The following TMEM229B variants were observed in gnomAD, a reference collection of about 807,000 sequenced individuals.
The protein encoded by TMEM229B is chromosome 14 open reading frame 83.
A neutral mutation model predicts 13.7 loss-of-function variants in TMEM229B; 6 were observed. The observed-to-expected ratio is 0.44, with a 90% CI of 0.24 to 0.86. The LOEUF is 0.86. TMEM229B is among the 40% of genes least tolerant of loss of function. The probability of loss-of-function intolerance (pLI) is 0.23; values close to 1 mark genes in which losing one functional copy is unlikely to be tolerated. For missense variants in TMEM229B, 170 were observed against 236.0 expected, an observed-to-expected ratio of 0.72 and a Z score of 1.83; for synonymous variants, 107 against 102.1, an observed-to-expected ratio of 1.05 and a Z score of -0.29.
intron 1 of TMEM229B, among the ~76,000 whole-genome samples, chr14:67,495,344 A>G (rs1488042083): frequency 2.0e-5 from 3 of 152,194 alleles, no homozygotes; most frequent in African/African-American, 7.2e-5. Flanking sequence ...GAAGGCATCC[A>G]TCCTAATGCC....
chr14:67,496,452 G>A (rs1040617794), intron 1 of TMEM229B, among the ~76,000 whole-genome samples: 12 of 126,940 alleles, frequency 9.5e-5, no homozygotes, highest in Admixed American at 8.7e-4. Flanking sequence ...CACCCAGGCT[G>A]GAGTGCAGAG....
intron 1 of TMEM229B, among the ~76,000 whole-genome samples, chr14:67,528,577 G>C (rs1181777038): frequency 2.6e-5 from 4 of 152,140 alleles, no homozygotes; most frequent in African/African-American, 9.7e-5. Flanking sequence ...ATCTAGAATT[G>C]CAGTCAGATG....
chr14:67,512,037 T>C (rs1756135960), intron 1 of TMEM229B, among the ~76,000 whole-genome samples: 1 of 152,244 alleles, frequency 6.6e-6, no homozygotes, highest in Non-Finnish European at 1.5e-5. Context: ...ACCCTGGTAC[T>C]GATGTAAATT....
chr14:67,489,952 T>A (rs2032094604), upstream of TMEM229B, among the ~76,000 whole-genome samples: 1 of 150,852 alleles, frequency 6.6e-6, no homozygotes, highest in Non-Finnish European at 1.5e-5. Context: ...ACCACGCCAC[T>A]GCACTCCAGC....
At position 67,530,923 on chromosome 14, in the gene TMEM229B, G is replaced by A. The variant is rs148492457; in HGVS notation, c.-192+2713C>T. Among the ~76,000 whole-genome samples, 4 of 152,298 alleles carry A rather than the reference G, an allele frequency of 2.6e-5. No homozygotes were observed. The East Asian group carries it at 5.8e-4, about 22-fold the overall frequency. ...CGAATGGCCTCCTCTCACCTCTCACGTCCCATGGCAGCTAATACAATCATT... is the reference window on the plus strand; with the variant it reads ...CGAATGGCCTCCTCTCACCTCTCACATCCCATGGCAGCTAATACAATCATT... On this transcript the variant is annotated intron_variant, in intron 1 of 2. Transcript: ENST00000554278.
At position 67,473,470 on chromosome 14, in the gene TMEM229B, C is replaced by T; in HGVS notation, c.454G>A (p.Glu152Lys). The T allele has an allele frequency of 6.2e-7, 1 of 1,614,172 alleles. No individual in the cohort carries two copies. Among genetic ancestry groups the T allele is most frequent in the Non-Finnish European group, 8.5e-7 (1 of 1,180,036 alleles). Residue 152 changes from glutamate (E) to lysine (K), a missense_variant, in exon 3 of 3, where the codon GAG becomes AAG. Around this residue, in one of 4 missense-constraint regions of TMEM229B, gnomAD observed 70 missense variants for 60.9 expected, o/e 1.15. Transcript: ENST00000554480. This position sits in a 1 kb window ranked among gnomAD's most constrained non-coding sequence, Gnocchi z 6.5. ...GCCAGGGCTAGGGCGCCGCTGGGCTCCCCGGGCTCAGCGTCCTTGTCGAAG... is the reference window on the plus strand; with the variant it reads ...GCCAGGGCTAGGGCGCCGCTGGGCTTCCCGGGCTCAGCGTCCTTGTCGAAG... ...LRFDKDAEPGEPSGALALANG... is the reference protein window; with the variant it reads ...LRFDKDAEPGKPSGALALANG...
At position 67,474,097 on chromosome 14, in the gene TMEM229B, C is replaced by T. The variant is rs564757989; in HGVS notation, c.-18-156G>A. Among the ~76,000 whole-genome samples, 95 of 152,202 alleles carry T rather than the reference C, an allele frequency of 6.2e-4. No homozygotes were observed. In the Middle Eastern group the frequency reaches 0.014, roughly 22 times the overall value. ...TGAAACCCCGTCTCTACTAAAAATA[C>T]AAAAATTAGCCTGGCGTGGTGGCCC... On this transcript the variant is annotated intron_variant, in intron 2 of 2. Transcript: ENST00000554480.
upstream of TMEM229B, among the ~76,000 whole-genome samples, chr14:67,492,922 T>G (rs919569060): frequency 6.6e-6 from 1 of 152,262 alleles, no homozygotes; most frequent in East Asian, 1.9e-4. Context: ...GCTCTAAACA[T>G]ACTATAAGTT....
chr14:67,521,239 T>C (rs548915789), intron 1 of TMEM229B, among the ~76,000 whole-genome samples: 2 of 152,354 alleles, frequency 1.3e-5, no homozygotes, highest in South Asian at 4.1e-4. Flanking sequence ...CTTCATAAAT[T>C]ACATTACAAA....
At chr14:67,526,628 A>G (rs1290573859) in intron 1 of TMEM229B, among the ~76,000 whole-genome samples, 2 of 152,218 alleles carry the variant, frequency 1.3e-5, no homozygotes, top group East Asian at 3.9e-4. Context: ...TTAAATCCCC[A>G]TTAATCACCA....
intron 1 of TMEM229B, among the ~76,000 whole-genome samples, chr14:67,522,914 T>A (rs2033311952): frequency 6.6e-6 from 1 of 152,266 alleles, no homozygotes; most frequent in African/African-American, 2.4e-5. Flanking sequence ...CCAGAGACTC[T>A]ATCTTGTCCG....
In TMEM229B at chr14:67,513,267, C is replaced by T. The variant is rs144922889; in HGVS notation, c.-192+1819G>A. Among the ~76,000 whole-genome samples, 295 of 152,266 alleles carry T rather than the reference C, an allele frequency of 1.9e-3. 1 individual carries two copies. The highest frequency in any genetic ancestry group is 6.9e-3 in the African/African-American group (286 of 41,546). On this transcript the variant is annotated intron_variant, in intron 1 of 2. Coordinates refer to the TMEM229B transcript ENST00000357461. ...ATAGCTTGGGACAAACCAATAAAGC[C>T]GCTCCAGTGGGGAATTGAGTGAAAT...
In TMEM229B at chr14:67,531,351, T is replaced by A. The variant is rs189402836; in HGVS notation, c.-192+2285A>T. Among the ~76,000 whole-genome samples the A allele has an allele frequency of 2.0e-3, 310 of 152,228 alleles. 2 individuals carry two copies. Among genetic ancestry groups the A allele is most frequent in the South Asian group, 2.5e-3 (12 of 4,814 alleles). ...ACATAGCTAAAAAGTGGAAGAGACA[T>A]AACTGAAACTCAAGCCTCCTAAATT... On this transcript the variant is annotated intron_variant, in intron 1 of 2. Coordinates refer to the TMEM229B transcript ENST00000554278.
intron 1 of TMEM229B, among the ~76,000 whole-genome samples, chr14:67,511,396 A>G (rs2033020767): frequency 6.6e-6 from 1 of 152,206 alleles, no homozygotes. Flanking sequence ...AAGATGGAGC[A>G]GCCGGAAGGA....
upstream of TMEM229B, among the ~76,000 whole-genome samples, chr14:67,490,527 G>A (rs901131198): frequency 1.3e-5 from 2 of 152,176 alleles, no homozygotes; most frequent in Admixed American, 1.3e-4. Context: ...ACTCTCAAAA[G>A]CCACATCAGT....
intron 1 of TMEM229B, among the ~76,000 whole-genome samples, chr14:67,524,831 A>G (rs574417061): frequency 6.6e-6 from 1 of 152,162 alleles, no homozygotes; most frequent in Non-Finnish European, 1.5e-5. Flanking sequence ...GGCCCCTCTG[A>G]TCTGAACAGT....
intron 2 of TMEM229B, among the ~76,000 whole-genome samples, chr14:67,483,402 C>G (rs1046930268): frequency 1.9e-4 from 29 of 152,208 alleles, no homozygotes; most frequent in African/African-American, 6.8e-4. Flanking sequence ...CAGCACACTG[C>G]ACTGCCCCCG....
chr14:67,533,389 C>G (rs983017667), intron 1 of TMEM229B: 1 of 151,636 alleles, frequency 6.6e-6, no homozygotes, highest in Middle Eastern at 3.4e-3. Context: ...CGGCCGCGAG[C>G]TCGCTGGAGG....
chr14:67,501,414 G>C (rs2032606114), intron 1 of TMEM229B, among the ~76,000 whole-genome samples: 1 of 152,046 alleles, frequency 6.6e-6, no homozygotes, highest in Non-Finnish European at 1.5e-5. Context: ...GGCCAGGCTG[G>C]AGTGCAGTGG....
Sources: gnomAD v4.1 joint callset for allele counts (sites outside exome capture counted in the v4.1 genomes callset) on GRCh38, gnomAD v4.1.1 for gene constraint, gnomAD v4.1.1 regional missense constraint, Gnocchi (gnomAD v3.1) non-coding constraint, MANE v1.5 for transcripts, NCBI Gene and HGNC (gene_info 2026-07-23, HGNC 2026-07-21) for gene names.